Variants in MSI2 observed in about 807,000 individuals in gnomAD.
MSI2 encodes RNA-binding protein Musashi homolog 2.
MSI2 carries 17 observed loss-of-function variants against 45.6 expected under a neutral mutation model. The observed-to-expected ratio is 0.37, with a 90% confidence interval of 0.26 to 0.56. The LOEUF (loss-of-function observed/expected upper bound fraction) is 0.56, where lower values mean the gene tolerates loss of function less well. Among genes scored for constraint, MSI2 ranks in the 20% least tolerant of loss-of-function variants. The probability of loss-of-function intolerance (pLI) is 0.77; values close to 1 mark genes in which losing one functional copy is unlikely to be tolerated. For missense variants in MSI2, 293 were observed against 444.2 expected (o/e 0.66, Z 3.06); for synonymous variants, 156 against 158.2 (o/e 0.99, Z 0.11).
chr17:57,450,746 C>G (rs1300131800), intron 6 of MSI2, among the ~76,000 whole-genome samples: 1 of 151,788 alleles, frequency 6.6e-6, no homozygotes, highest in Non-Finnish European at 1.5e-5. Context: ...CCCCCTCCCC[C>G]CACCTGCTGG....
intron 7 of MSI2, among the ~76,000 whole-genome samples, chr17:57,555,391 T>C (rs1057000581): frequency 2.0e-5 from 3 of 152,188 alleles, no homozygotes; most frequent in Admixed American, 2.0e-4. Context: ...GGCTGCCTGC[T>C]CAGGCGCCTC....
intron 6 of MSI2, among the ~76,000 whole-genome samples, chr17:57,419,716 C>A (rs1408039505): frequency 2.0e-5 from 3 of 152,120 alleles, no homozygotes; most frequent in African/African-American, 7.2e-5. Context: ...CATCTAATTT[C>A]TTTGGTTGTG....
intron 8 of MSI2, among the ~76,000 whole-genome samples, chr17:57,610,122 T>A (rs1334541705): frequency 1.3e-5 from 2 of 152,086 alleles, no homozygotes; most frequent in Non-Finnish European, 2.9e-5. Flanking sequence ...AATGCCCTCA[T>A]GTTTATGAAA....
intron 5 of MSI2, among the ~76,000 whole-genome samples, chr17:57,397,240 TAA>T (rs1424545821): frequency 6.6e-6 from 1 of 152,142 alleles, no homozygotes; most frequent in Non-Finnish European, 1.5e-5. Context: ...CTTCACTGGG[TAA>T]AGAGGATTTT....
intron 6 of MSI2, among the ~76,000 whole-genome samples, chr17:57,507,186 G>GAA (rs2086249573): frequency 2.1e-5 from 3 of 143,520 alleles, no homozygotes; most frequent in Non-Finnish European, 3.0e-5. Flanking sequence ...GGGGGGGGGG[G>GAA]GTGTAAATCT....
At chr17:57,630,896 C>A (rs116639772) in intron 10 of MSI2, 1 of 152,296 alleles carries the variant, frequency 6.6e-6, no homozygotes, top group African/African-American at 2.4e-5. Context: ...CTGGCCGAGG[C>A]GGCTGGGGTA....
At chr17:57,698,975 T>G in the MSI2 span, among the ~76,000 whole-genome samples, 1 of 127,318 alleles carries the variant, frequency 7.9e-6, no homozygotes, top group Non-Finnish European at 1.6e-5. Context: ...GCACTTCTGA[T>G]TGGGCCACTC....
At chr17:57,565,185 T>C (rs756527412) in intron 7 of MSI2, among the ~76,000 whole-genome samples, 12 of 152,218 alleles carry the variant, frequency 7.9e-5, no homozygotes, top group Non-Finnish European at 1.5e-4. Context: ...TAAGGATTTT[T>C]TTGTACAATC....
intron 7 of MSI2, among the ~76,000 whole-genome samples, chr17:57,559,404 T>C (rs1035158186): frequency 1.3e-5 from 2 of 152,234 alleles, no homozygotes; most frequent in African/African-American, 4.8e-5. Context: ...CTGGACTCCT[T>C]TCCAGACCAG....
At chr17:57,392,073 G>A (rs528588582) in intron 5 of MSI2, among the ~76,000 whole-genome samples, 1 of 152,306 alleles carries the variant, frequency 6.6e-6, no homozygotes, top group East Asian at 1.9e-4. Flanking sequence ...GCCTGTGATC[G>A]GAATGACGGC....
At chr17:57,430,493 A>G (rs966266494) in intron 6 of MSI2, among the ~76,000 whole-genome samples, 1 of 152,214 alleles carries the variant, frequency 6.6e-6, no homozygotes, top group Non-Finnish European at 1.5e-5. Flanking sequence ...GGGCTCAGGA[A>G]GTGCTGGTGC....
At chr17:57,417,112 C>T (rs750980458) in intron 6 of MSI2, among the ~76,000 whole-genome samples, 1 of 152,190 alleles carries the variant, frequency 6.6e-6, no homozygotes, top group African/African-American at 2.4e-5. Context: ...CCCATCCTTT[C>T]CCTCAGCTGA....
At chr17:57,389,283 CTCT>C (rs1246045328) in intron 5 of MSI2, among the ~76,000 whole-genome samples, 1 of 152,154 alleles carries the variant, frequency 6.6e-6, no homozygotes, top group Non-Finnish European at 1.5e-5. Context: ...GAGCCCCCTG[CTCT>C]TCTTTTTAAT....
downstream of MSI2, among the ~76,000 whole-genome samples, chr17:57,687,308 A>G (rs1298644376): frequency 6.6e-6 from 1 of 152,044 alleles, no homozygotes; most frequent in East Asian, 1.9e-4. Context: ...AACTAGAAAA[A>G]AAGAAATTGA....
At chr17:57,307,532 C>A (rs1485351023) in intron 5 of MSI2, among the ~76,000 whole-genome samples, 7 of 152,012 alleles carry the variant, frequency 4.6e-5, no homozygotes, top group African/African-American at 1.4e-4. Flanking sequence ...TCAAGCGATT[C>A]TCTTGCCTCA....
chr17:57,371,836 G>A (rs905435766), intron 5 of MSI2, among the ~76,000 whole-genome samples: 3 of 151,488 alleles, frequency 2.0e-5, no homozygotes, highest in Non-Finnish European at 2.9e-5. Flanking sequence ...TGGGGTTAAA[G>A]GCTATGGATA....
chr17:57,456,633 C>T (rs1313483075), intron 6 of MSI2, among the ~76,000 whole-genome samples: 1 of 152,076 alleles, frequency 6.6e-6, no homozygotes, highest in Non-Finnish European at 1.5e-5. Flanking sequence ...ACTGACTTGC[C>T]CTGTGTTGGA....
intron 6 of MSI2, among the ~76,000 whole-genome samples, chr17:57,518,389 A>G (rs560747831): frequency 2.6e-5 from 4 of 152,150 alleles, no homozygotes; most frequent in Non-Finnish European, 5.9e-5. Context: ...CATTGGCCAC[A>G]GGAGATGTGG....
At chr17:57,608,743 G>A (rs1039416266) in intron 8 of MSI2, among the ~76,000 whole-genome samples, 9 of 152,328 alleles carry the variant, frequency 5.9e-5, no homozygotes, top group East Asian at 5.8e-4. Context: ...GCCAGGTGCC[G>A]TGCAGGTACA....
Sources: gnomAD v4.1 joint callset for allele counts (sites outside exome capture counted in the v4.1 genomes callset) on GRCh38, gnomAD v4.1.1 for gene constraint, MANE v1.5 for transcripts, NCBI Gene and HGNC (gene_info 2026-07-23, HGNC 2026-07-21) for gene names.